The following BUB1 variants were observed in gnomAD, a reference collection of about 807,000 sequenced individuals.
BUB1 encodes the protein BUB1 mitotic checkpoint serine/threonine kinase.
In BUB1, 84 loss-of-function variants were observed where a neutral mutation model predicts 135.2. The observed-to-expected ratio is 0.62, with a 90% CI of 0.52 to 0.74. BUB1 has a LOEUF of 0.74. Ranked by LOEUF, BUB1 falls within the 30% of genes least tolerant of loss-of-function variation. The pLI, the probability that BUB1 is intolerant of heterozygous loss-of-function variation, is 0.00. For synonymous variants in BUB1, 403 were observed against 434.4 expected, an observed-to-expected ratio of 0.93 and a Z score of 0.90; for missense variants, 1,162 against 1,288.3, an observed-to-expected ratio of 0.90 and a Z score of 1.50.
intron 9 of BUB1, among the ~76,000 whole-genome samples, chr2:110,665,538 G>A (rs568480445): frequency 7.3e-5 from 11 of 150,988 alleles, no homozygotes; most frequent in South Asian, 2.1e-4. Flanking sequence ...GCAAGACCCC[G>A]TCTAAAAATT....
At chr2:110,639,012 T>C (rs1455275795) in intron 24 of BUB1, among the ~76,000 whole-genome samples, 1 of 152,104 alleles carries the variant, frequency 6.6e-6, no homozygotes, top group East Asian at 1.9e-4. Context: ...TAAACATATG[T>C]AAAAGTCCAT....
Position 110,658,637 on chromosome 2 carries a change from G to T in BUB1, c.1382C>A (p.Thr461Asn). 1 of 1,614,218 alleles carries T rather than the reference G, an allele frequency of 6.2e-7. No individual in the cohort carries two copies. Among genetic ancestry groups the T allele is most frequent in the Non-Finnish European group, 8.5e-7 (1 of 1,180,036 alleles). The change falls in exon 12 of 25, where the codon ACC becomes AAC. Residue 461 changes from threonine (T) to asparagine (N), a missense_variant. Thr to Asn is a moderately conservative substitution (Grantham distance 65). Coordinates refer to ENST00000302759, the MANE Select transcript of BUB1 (RefSeq NM_004336.5). ...ACCTAATGCTTCTTTTGTGTGCACG[G>T]TGGGTGATGGCTGCACTTTGGATGG... Reference protein sequence around the residue: ...ATPSKVQPSPTVHTKEALGFI... With the variant: ...ATPSKVQPSPNVHTKEALGFI...
intron 19 of BUB1, 75 bp downstream of exon 19, chr2:110,649,159 A>ACG: frequency 6.9e-7 from 1 of 1,452,532 alleles, no homozygotes. Context: ...ACACACACAC[A>ACG]CACACACACA....
chr2:110,678,041 T>C lies in BUB1; in HGVS notation c.-46A>G. The C allele has an allele frequency of 5.7e-6, 9 of 1,574,632 alleles. No individual in the cohort carries two copies. Among genetic ancestry groups the C allele is most frequent in the Non-Finnish European group, 7.7e-6 (9 of 1,163,334 alleles). On this transcript the variant is annotated 5_prime_UTR_variant, in exon 1 of 25. Transcript: ENST00000302759. ...CAGCGGCCAAACCTGAACCGCAAAC[T>C]AGAAGCCGCCGCCGATTCGAATACC...
At chr2:110,638,374 AATAAG>A (rs1449574490) in intron 24 of BUB1, among the ~76,000 whole-genome samples, 1 of 152,210 alleles carries the variant, frequency 6.6e-6, no homozygotes, top group East Asian at 1.9e-4. Flanking sequence ...TGTTCCAAAA[AATAAG>A]ATAAGTAATC....
In BUB1 at chr2:110,642,240, A is replaced by G; in HGVS notation, c.2348-6T>C. On this transcript the variant is annotated splice_polypyrimidine_tract_variant and splice_region_variant and intron_variant, in intron 19 of 24. Coordinates refer to ENST00000302759, the MANE Select transcript of BUB1 (RefSeq NM_004336.5). ...GACATAGACCAGCTTAGAACCTTAG[A>G]AGATAATTGAAAATTTTAATTTATG... is the stretch of plus-strand genomic sequence containing the variant. 6.4e-7 allele frequency: 1 copy of G among 1,557,758 alleles called. No homozygotes were observed. The highest frequency in any genetic ancestry group is 8.7e-7 in the Non-Finnish European group (1 of 1,150,794).
rs547377337 is a variant in BUB1 at position 110,668,663 on chromosome 2, T to C, written c.567+790A>G. ...AGAGAGACTTGAGCATTTTCCCATG[T>C]TGATACACCATGGAGGCAGAAGAGA... On this transcript the variant is annotated intron_variant, in intron 6 of 24. Transcript: ENST00000302759. 2.0e-5 allele frequency among the ~76,000 whole-genome samples: 3 copies of C among 152,066 alleles called. No individual in the cohort carries two copies. In the East Asian group the frequency reaches 5.8e-4, roughly 29 times the overall value.
Position 110,649,392 on chromosome 2 carries a change from A to G in BUB1, c.2204-15T>C, listed in dbSNP as rs760665057. ...AACAATGAAGTCTTAAAGGAATGAG[A>G]AAAAAAAAAAAAAAGGGAACATGAA... On this transcript the variant is annotated splice_polypyrimidine_tract_variant and intron_variant, in intron 18 of 24. Coordinates refer to ENST00000302759, the MANE Select transcript of BUB1 (RefSeq NM_004336.5). The G allele has an allele frequency of 2.1e-3, 846 of 410,866 alleles. 1 individual carries two copies. Among genetic ancestry groups the G allele is most frequent in the Non-Finnish European group, 2.4e-3 (646 of 268,412 alleles). The allele number at this position is 410,866 out of a possible 1,614,324, so 25.5% of individuals were successfully genotyped here. A position where few individuals can be genotyped will look rare whatever the true frequency, so the allele number is the denominator to read the frequency against.
At chr2:110,638,420 C>T (rs1689418320) in intron 24 of BUB1, among the ~76,000 whole-genome samples, 1 of 152,146 alleles carries the variant, frequency 6.6e-6, no homozygotes, top group Non-Finnish European at 1.5e-5. Context: ...AAAAAATTTT[C>T]TCTCTCTCCC....
chr2:110,658,640 G>C lies in BUB1; in HGVS notation c.1379C>G (p.Pro460Arg), dbSNP rs760001438. 3.1e-6 allele frequency: 5 copies of C among 1,614,190 alleles called. No individual in the cohort carries two copies. The highest frequency in any genetic ancestry group is 1.7e-6 in the Non-Finnish European group (2 of 1,180,026). Residue 460 changes from proline (P) to arginine (R), a missense_variant, in exon 12 of 25, where the codon CCC becomes CGC. Transcript: ENST00000302759. Reference protein sequence around the residue: ...QATPSKVQPSPTVHTKEALGF... With the variant: ...QATPSKVQPSRTVHTKEALGF... Reference sequence around the variant, plus strand: ...TAATGCTTCTTTTGTGTGCACGGTGGGTGATGGCTGCACTTTGGATGGCGT... The same window carrying C: ...TAATGCTTCTTTTGTGTGCACGGTGCGTGATGGCTGCACTTTGGATGGCGT...
Position 110,649,391 on chromosome 2 carries a change from GA to G in BUB1, c.2204-15del, listed in dbSNP as rs375788995. ...CAACAATGAAGTCTTAAAGGAATGA[GA>G]AAAAAAAAAAAAAAGGGAACATGAA... On this transcript the variant is annotated splice_polypyrimidine_tract_variant and intron_variant, in intron 18 of 24. Transcript: ENST00000302759. The G allele has an allele frequency of 0.12, 121,508 of 991,086 alleles. 9 individuals carry two copies. Among genetic ancestry groups the G allele is most frequent in the Middle Eastern group, 0.15 (399 of 2,668 alleles). The allele number at this position is 991,086 out of a possible 1,614,324, so 61.4% of individuals were successfully genotyped here.
At chr2:110,660,090 T>G in intron 10 of BUB1, 54 bp from the exon 11 acceptor site, 1 of 1,476,948 alleles carries the variant, frequency 6.8e-7, no homozygotes, top group African/African-American at 1.4e-5. Context: ...TGATCTAGGC[T>G]GGGTGCGGTG....
At chr2:110,643,507 T>C (rs749168854) in intron 19 of BUB1, among the ~76,000 whole-genome samples, 7 of 152,176 alleles carry the variant, frequency 4.6e-5, no homozygotes, top group Non-Finnish European at 8.8e-5. Flanking sequence ...TTTTAGCTCA[T>C]ATATTAGGTC....
In BUB1 at chr2:110,640,892, C is replaced by A. The variant is rs1191328450; in HGVS notation, c.2955+142G>T. ...CTTCAGGAATAGAATTCTATCCCTG[C>A]CATGTTGGCCTTAGGCTCATCTCTC... On this transcript the variant is annotated intron_variant, in intron 23 of 24. Transcript: ENST00000302759. 4.3e-6 allele frequency: 3 copies of A among 702,108 alleles called. No homozygotes were observed. In the Admixed American group the frequency reaches 1.0e-4, roughly 24 times the overall value. 43.5% of individuals were successfully genotyped at this position (702,108 alleles called of 1,614,324 possible). A position where few individuals can be genotyped will look rare whatever the true frequency, so the allele number is the denominator to read the frequency against.
chr2:110,662,312 A>G (rs1355801370), intron 9 of BUB1, among the ~76,000 whole-genome samples: 1 of 152,208 alleles, frequency 6.6e-6, no homozygotes, highest in Non-Finnish European at 1.5e-5. Flanking sequence ...GAAGAATAGG[A>G]AACACAAATA....
chr2:110,664,585 T>G (rs936161330), intron 9 of BUB1, among the ~76,000 whole-genome samples: 11 of 151,808 alleles, frequency 7.2e-5, no homozygotes, highest in Admixed American at 2.6e-4. Context: ...CTTTTTTTTT[T>G]TTTTTTTTAA....
At chr2:110,638,456 C>T (rs1381323966) in intron 24 of BUB1, among the ~76,000 whole-genome samples, 1 of 152,198 alleles carries the variant, frequency 6.6e-6, no homozygotes, top group Non-Finnish European at 1.5e-5. Flanking sequence ...AAACTATCTG[C>T]TTCTGGCTAG....
intron 19 of BUB1, among the ~76,000 whole-genome samples, chr2:110,643,211 A>G (rs751792069): frequency 2.6e-5 from 4 of 152,194 alleles, no homozygotes; most frequent in Non-Finnish European, 5.9e-5. Context: ...AATTAGAGAC[A>G]GACAAGTGGA....
At chr2:110,645,937 C>T (rs1207390527) in intron 19 of BUB1, among the ~76,000 whole-genome samples, 1 of 151,860 alleles carries the variant, frequency 6.6e-6, no homozygotes, top group African/African-American at 2.4e-5. Flanking sequence ...AAGAGAGTGT[C>T]AAAATATGTG....
Sources: gnomAD v4.1 joint callset for allele counts (sites outside exome capture counted in the v4.1 genomes callset) on GRCh38, gnomAD v4.1.1 for gene constraint, MANE v1.5 for transcripts, NCBI Gene and HGNC (gene_info 2026-07-23, HGNC 2026-07-21) for gene names.